Variants in MCC observed in about 807,000 individuals in gnomAD.
The protein encoded by MCC is MCC regulator of Wnt signaling pathway, also known as colorectal mutant cancer protein.
Under a neutral mutation model 116.2 loss-of-function variants are expected in MCC, and 90 were observed. The observed-to-expected ratio is 0.77, with a 90% CI of 0.65 to 0.92. MCC has a LOEUF of 0.92. Among genes scored for constraint, MCC ranks in the 40% least tolerant of loss-of-function variants. MCC has a pLI of 0.00. For missense variants in MCC, 1,516 were observed against 1,312.2 expected (o/e 1.16, Z -2.40); for synonymous variants, 578 against 510.5 (o/e 1.13, Z -1.78).
Position 113,443,135 on chromosome 5 carries a change from A to G in MCC, c.170+45110T>C, listed in dbSNP as rs954762673. ...ATTGATTCTTCCTATCCATGAGCATAGAATGTTTTTCCATTTGTTTGTGTC... is the reference window on the plus strand; with the variant it reads ...ATTGATTCTTCCTATCCATGAGCATGGAATGTTTTTCCATTTGTTTGTGTC... On this transcript the variant is annotated intron_variant, in intron 1 of 18. Coordinates refer to ENST00000408903, the MANE Select transcript of MCC (RefSeq NM_001085377.2). 2.6e-5 allele frequency among the ~76,000 whole-genome samples: 4 copies of G among 151,562 alleles called. No homozygotes were observed. The East Asian group carries it at 5.8e-4, about 22-fold the overall frequency.
At chr5:113,274,835 T>C (rs1166649185) in intron 3 of MCC, among the ~76,000 whole-genome samples, 1 of 152,156 alleles carries the variant, frequency 6.6e-6, no homozygotes. Context: ...CAATCAACTC[T>C]TTCTATTTTC....
rs117690521 is a variant in MCC, at chr5:113,240,479, C to T, written c.628-89057G>A. Among the ~76,000 whole-genome samples, 71 of 152,270 alleles carry T rather than the reference C, an allele frequency of 4.7e-4. No homozygotes were observed. In the East Asian group the frequency reaches 0.012, roughly 26 times the overall value. On this transcript the variant is annotated intron_variant, in intron 3 of 18. Transcript: ENST00000408903. ...AAATAACTATGTTTACATCTTTCAA[C>T]TGAACAGGACATAAGTCGATGGCAT...
chr5:113,427,146 C>A (rs973912675), intron 1 of MCC, among the ~76,000 whole-genome samples: 6 of 152,098 alleles, frequency 3.9e-5, no homozygotes, highest in African/African-American at 1.4e-4. Flanking sequence ...TTATCATCCT[C>A]AAAAGTTTGC....
At chr5:113,343,374 T>C (rs2150379658) in intron 2 of MCC, among the ~76,000 whole-genome samples, 1 of 152,350 alleles carries the variant, frequency 6.6e-6, no homozygotes, top group African/African-American at 2.4e-5. Context: ...AGTCTATTGA[T>C]TGTATTGCAA....
At chr5:113,245,951 G>A (rs935551627) in intron 3 of MCC, among the ~76,000 whole-genome samples, 1 of 152,184 alleles carries the variant, frequency 6.6e-6, no homozygotes, top group African/African-American at 2.4e-5. Flanking sequence ...AGGCCAAGGA[G>A]AACAGTATTA....
In MCC at chr5:113,027,051, A is replaced by G; in HGVS notation, c.*251T>C. 1.3e-5 allele frequency: 6 copies of G among 457,358 alleles called. No homozygotes were observed. In the South Asian group the frequency reaches 2.7e-4, roughly 21 times the overall value. 28.3% of individuals were successfully genotyped at this position (457,358 alleles called of 1,614,324 possible). ...AAGCAGAAACGAGGCTCTGCTGAGC[A>G]GGCACAGAACATGTGTTTACACGCT... On this transcript the variant is annotated 3_prime_UTR_variant, in exon 19 of 19. Transcript: ENST00000408903.
At chr5:113,435,094 C>T (rs1770809866) in intron 1 of MCC, 1 of 477,476 alleles carries the variant, frequency 2.1e-6, no homozygotes, top group African/African-American at 1.9e-5. Context: ...GACTTGGAAT[C>T]CTGGAAGGCT....
chr5:113,048,830 C>T (rs1297393765), intron 16 of MCC: 4 of 564,804 alleles, frequency 7.1e-6, no homozygotes, highest in Non-Finnish European at 1.3e-5. Context: ...CAGTGGACAA[C>T]TGCAGAGATC....
chr5:113,182,193 A>G (rs1263531397), intron 3 of MCC, among the ~76,000 whole-genome samples: 2 of 152,248 alleles, frequency 1.3e-5, no homozygotes, highest in Admixed American at 6.5e-5. Flanking sequence ...TTTTTATAGT[A>G]GAGAAGGGAC....
intron 2 of MCC, among the ~76,000 whole-genome samples, chr5:113,345,575 G>C (rs749561836): frequency 3.3e-5 from 5 of 152,224 alleles, no homozygotes; most frequent in Non-Finnish European, 7.3e-5. Context: ...GGAAAGAGAG[G>C]CTTCGTATGT....
chr5:113,408,880 C>A (rs1769905801), intron 1 of MCC, among the ~76,000 whole-genome samples: 1 of 152,126 alleles, frequency 6.6e-6, no homozygotes, highest in African/African-American at 2.4e-5. Flanking sequence ...CCTAGCCTGT[C>A]CCTACCATGT....
chr5:113,097,288 T>C (rs1756084772), intron 8 of MCC, among the ~76,000 whole-genome samples: 1 of 152,194 alleles, frequency 6.6e-6, no homozygotes, highest in Non-Finnish European at 1.5e-5. Context: ...TTTAACCTGT[T>C]AATATTTTAG....
At chr5:113,420,978 CT>C (rs1315357837) in intron 1 of MCC, among the ~76,000 whole-genome samples, 1 of 151,934 alleles carries the variant, frequency 6.6e-6, no homozygotes, top group Non-Finnish European at 1.5e-5. Flanking sequence ...GTAATTTGAA[CT>C]TTATAAAAGT....
chr5:113,399,718 A>C (rs1180989870), intron 1 of MCC, among the ~76,000 whole-genome samples: 1 of 152,146 alleles, frequency 6.6e-6, no homozygotes, highest in Non-Finnish European at 1.5e-5. Flanking sequence ...TTCATGTCCA[A>C]ATCACCATCC....
intron 3 of MCC, among the ~76,000 whole-genome samples, chr5:113,167,086 G>T (rs138352423): frequency 6.6e-6 from 1 of 152,086 alleles, no homozygotes; most frequent in East Asian, 1.9e-4. Context: ...GAGTTTGGTC[G>T]GCAGCCTCTC....
chr5:113,089,796 G>A (rs1159099174), intron 8 of MCC, among the ~76,000 whole-genome samples: 2 of 152,136 alleles, frequency 1.3e-5, no homozygotes, highest in African/African-American at 4.8e-5. Flanking sequence ...TATTCAAGGA[G>A]GTGAAAAAAC....
intron 8 of MCC, among the ~76,000 whole-genome samples, chr5:113,090,181 C>A (rs556272671): frequency 6.6e-6 from 1 of 151,694 alleles, no homozygotes; most frequent in African/African-American, 2.4e-5. Context: ...GATGGGGACA[C>A]CTTTTTCTCG....
intron 1 of MCC, among the ~76,000 whole-genome samples, chr5:113,486,596 C>G (rs745600560): frequency 6.6e-6 from 1 of 152,154 alleles, no homozygotes; most frequent in African/African-American, 2.4e-5. Context: ...GTAATCTCAG[C>G]GCTTCCTAAG....
chr5:113,141,325 A>T (rs2150284653), intron 5 of MCC, among the ~76,000 whole-genome samples: 1 of 152,320 alleles, frequency 6.6e-6, no homozygotes, highest in African/African-American at 2.4e-5. Flanking sequence ...GGACTGAGTC[A>T]TGCTGCCAGC....
Sources: allele counts gnomAD v4.1 joint callset (sites outside exome capture counted in the v4.1 genomes callset), GRCh38; gene constraint gnomAD v4.1.1; transcripts MANE v1.5; gene names NCBI Gene and HGNC (gene_info 2026-07-23, HGNC 2026-07-21).